Variants in LRRC17 observed in about 807,000 individuals in gnomAD.
LRRC17 encodes leucine-rich repeat-containing protein 17.
A neutral mutation model predicts 41.5 loss-of-function variants in LRRC17; 33 were observed. The observed-to-expected ratio is 0.80, with a 90% CI of 0.60 to 1.06. The LOEUF (loss-of-function observed/expected upper bound fraction) is 1.06, where lower values mean the gene tolerates loss of function less well. Among genes scored for constraint, LRRC17 ranks in the 50% least tolerant of loss-of-function variants. LRRC17 has a pLI of 0.00. For synonymous variants in LRRC17, 192 were observed against 197.0 expected (o/e 0.97, Z 0.21); for missense variants, 491 against 519.3 (o/e 0.95, Z 0.53).
chr7:102,913,753 G>C (rs1388751887), intron 1 of LRRC17, among the ~76,000 whole-genome samples: 3 of 152,162 alleles, frequency 2.0e-5, no homozygotes, highest in Non-Finnish European at 4.4e-5. Flanking sequence ...TTAAAAAATA[G>C]GTTTAAATAT....
chr7:102,934,070 C>T lies in LRRC17; in HGVS notation c.157C>T (p.Pro53Ser), dbSNP rs765470260. ...GGTCAAACGCTACGCACCAGGCCTC[C>T]CGTGTGACGTGTACACATATCTCCA... is the stretch of plus-strand genomic sequence containing the variant. ...NPVKRYAPGL[P>S]CDVYTYLHEK... Residue 53 changes from proline (P) to serine (S), a missense_variant, in exon 2 of 4, where the codon CCG (proline) becomes TCG (serine). Coordinates refer to ENST00000339431, the MANE Select transcript of LRRC17 (RefSeq NM_001031692.3). The T allele has an allele frequency of 3.7e-6, 6 of 1,614,170 alleles. No individual in the cohort carries two copies. The East Asian group carries it at 1.1e-4, about 30-fold the overall frequency.
intron 1 of LRRC17, among the ~76,000 whole-genome samples, chr7:102,917,293 G>A (rs1367767396): frequency 1.3e-5 from 2 of 152,094 alleles, no homozygotes; most frequent in Non-Finnish European, 2.9e-5. Context: ...AAATTTCCAA[G>A]CCAATTGAAA....
At position 102,934,596 on chromosome 7, in the gene LRRC17, G is replaced by A. The variant is rs919990646; in HGVS notation, c.683G>A (p.Gly228Glu). ...TTGGACCCGAAACCCCAAGTGTCAG[G>A]GAGACCCCCAGTCATCAAGCCTGAG... ...EQLDPKPQVS[G>E]RPPVIKPEVD... Residue 228 changes from glycine (G) to glutamate (E), a missense_variant, in exon 2 of 4, where the codon GGG becomes GAG. Transcript: ENST00000339431. The A allele has an allele frequency of 3.1e-6, 5 of 1,613,934 alleles. No individual in the cohort carries two copies. Among genetic ancestry groups the A allele is most frequent in the Admixed American group, 1.7e-5 (1 of 59,992 alleles).
intron 1 of LRRC17, among the ~76,000 whole-genome samples, chr7:102,925,751 G>A (rs193274850): frequency 6.6e-6 from 1 of 152,104 alleles, no homozygotes; most frequent in Non-Finnish European, 1.5e-5. Context: ...AGACCAGCCT[G>A]ACCAACATGG....
chr7:102,926,584 T>C (rs562697128), intron 1 of LRRC17, among the ~76,000 whole-genome samples: 1 of 152,338 alleles, frequency 6.6e-6, no homozygotes, highest in African/African-American at 2.4e-5. Flanking sequence ...CCTTTTCCCT[T>C]TCCTTGGAAA....
intron 3 of LRRC17, among the ~76,000 whole-genome samples, chr7:102,943,474 A>G (rs1393205468): frequency 1.3e-5 from 2 of 152,236 alleles, no homozygotes; most frequent in African/African-American, 2.4e-5. Flanking sequence ...TTTACAGTGA[A>G]GAAATATAAT....
intron 2 of LRRC17, among the ~76,000 whole-genome samples, chr7:102,935,242 C>CTT (rs71106700): frequency 2.7e-4 from 21 of 76,398 alleles, no homozygotes; most frequent in African/African-American, 8.7e-4. Flanking sequence ...TTTTTTCTTT[C>CTT]TTTTTTTTTT....
intron 2 of LRRC17, among the ~76,000 whole-genome samples, chr7:102,934,958 TA>T (rs879541934): frequency 6.6e-6 from 1 of 152,206 alleles, no homozygotes; most frequent in Non-Finnish European, 1.5e-5. Flanking sequence ...GCTGTCACTG[TA>T]AGGAATTCCT....
At chr7:102,913,702 T>C (rs1227232050) in intron 1 of LRRC17, among the ~76,000 whole-genome samples, 6 of 152,252 alleles carry the variant, frequency 3.9e-5, no homozygotes, top group Non-Finnish European at 7.3e-5. Flanking sequence ...CAAAACTGAA[T>C]ATGACCATGC....
At chr7:102,924,644 T>TC (rs1158122458) in intron 1 of LRRC17, among the ~76,000 whole-genome samples, 19 of 147,370 alleles carry the variant, frequency 1.3e-4, no homozygotes, top group Admixed American at 8.1e-4. Flanking sequence ...AGCTTTTCTT[T>TC]TTTTTTTTTT....
chr7:102,930,719 T>C (rs1819007489), intron 1 of LRRC17, among the ~76,000 whole-genome samples: 1 of 152,224 alleles, frequency 6.6e-6, no homozygotes, highest in African/African-American at 2.4e-5. Flanking sequence ...AAGTCAGCAT[T>C]CCGTAAGGCT....
At chr7:102,914,952 G>A (rs1284175376) in intron 1 of LRRC17, among the ~76,000 whole-genome samples, 1 of 152,030 alleles carries the variant, frequency 6.6e-6, no homozygotes, top group Non-Finnish European at 1.5e-5. Flanking sequence ...CAATCCTTTA[G>A]CTTTATAATC....
intron 3 of LRRC17, among the ~76,000 whole-genome samples, chr7:102,941,584 C>A (rs1255052403): frequency 6.6e-6 from 1 of 152,094 alleles, no homozygotes; most frequent in Non-Finnish European, 1.5e-5. Context: ...GTCTAGGCAG[C>A]GGGCAAGGTG....
intron 2 of LRRC17, 152 bp from the exon 3 acceptor site, chr7:102,939,278 T>C (rs1820927152): frequency 1.7e-6 from 1 of 599,356 alleles, no homozygotes. Flanking sequence ...TAGCGTATGC[T>C]AAGGCTTGTT....
At chr7:102,917,766 T>C (rs945912057) in intron 1 of LRRC17, among the ~76,000 whole-genome samples, 2 of 152,050 alleles carry the variant, frequency 1.3e-5, no homozygotes, top group Non-Finnish European at 2.9e-5. Flanking sequence ...ATAGAACAGA[T>C]TGAAGGGAGG....
intron 1 of LRRC17, among the ~76,000 whole-genome samples, chr7:102,924,847 T>C (rs2129471613): frequency 6.6e-6 from 1 of 151,986 alleles, no homozygotes; most frequent in Admixed American, 6.5e-5. Flanking sequence ...TTCACCATGG[T>C]CTCAATCTCC....
chr7:102,919,822 G>T (rs1816641923), intron 1 of LRRC17, among the ~76,000 whole-genome samples: 1 of 152,050 alleles, frequency 6.6e-6, no homozygotes, highest in Admixed American at 6.6e-5. Context: ...ACTGAAAAAA[G>T]ATTTTTAAAA....
chr7:102,936,397 A>G (rs1585030522), intron 2 of LRRC17: 1 of 152,210 alleles, frequency 6.6e-6, no homozygotes, highest in Non-Finnish European at 1.5e-5. Context: ...TCACCCTGCA[A>G]TCTTCCAGAA....
intron 3 of LRRC17, 86 bp downstream of exon 3, chr7:102,939,671 G>C: frequency 2.5e-6 from 3 of 1,187,778 alleles, no homozygotes; most frequent in Non-Finnish European, 3.5e-6. Context: ...AGTAAATTCA[G>C]TTTAAAAGTA....
Sources: gnomAD v4.1 joint callset for allele counts (sites outside exome capture counted in the v4.1 genomes callset) on GRCh38, gnomAD v4.1.1 for gene constraint, MANE v1.5 for transcripts, NCBI Gene and HGNC (gene_info 2026-07-23, HGNC 2026-07-21) for gene names.